The following ANXA9 variants were observed in gnomAD, a reference collection of about 807,000 sequenced individuals.
The protein encoded by ANXA9 is annexin A9.
ANXA9 carries 47 observed loss-of-function variants against 51.8 expected under a neutral mutation model. The ratio of observed to expected loss-of-function variants is 0.91; its 90% CI spans 0.72 to 1.16. The LOEUF (loss-of-function observed/expected upper bound fraction) is 1.16. Among genes scored for constraint, ANXA9 ranks in the 50% most tolerant of loss-of-function variants. ANXA9 has a pLI of 0.00. For synonymous variants in ANXA9, 154 were observed against 168.7 expected (o/e 0.91, Z 0.68); for missense variants, 361 against 424.7 (o/e 0.85, Z 1.32).
At chr1:150,988,476 C>T (rs1671622451) in intron 12 of ANXA9, 135 bp downstream of exon 12, 12 of 1,077,402 alleles carry the variant, frequency 1.1e-5, no homozygotes, top group African/African-American at 6.3e-5. Flanking sequence ...GGCTTACACA[C>T]CAGGGCTTAC....
chr1:150,993,745 C>T (rs912451025), intron 12 of ANXA9, among the ~76,000 whole-genome samples: 2 of 151,158 alleles, frequency 1.3e-5, no homozygotes, highest in African/African-American at 4.9e-5. Context: ...AGCAATTCTC[C>T]TGCCTCAGCC....
chr1:150,983,243 G>A (rs1671457214), intron 3 of ANXA9, 63 bp downstream of exon 3: 12 of 1,602,440 alleles, frequency 7.5e-6, no homozygotes, highest in Non-Finnish European at 1.0e-5. Context: ...TGAGAGGATG[G>A]GAGGCAGGAA....
chr1:150,990,023 CA>C (rs1671658656), intron 12 of ANXA9, among the ~76,000 whole-genome samples: 1 of 151,616 alleles, frequency 6.6e-6, no homozygotes, highest in Admixed American at 6.6e-5. Flanking sequence ...AAGTAGTAGT[CA>C]GGGGCCAAGC....
At chr1:150,986,929 G>C (rs1357195013) in intron 9 of ANXA9, among the ~76,000 whole-genome samples, 2 of 152,060 alleles carry the variant, frequency 1.3e-5, no homozygotes, top group African/African-American at 2.4e-5. Flanking sequence ...AGCCTCCTCA[G>C]ACCTTTTGGG....
intron 9 of ANXA9, among the ~76,000 whole-genome samples, chr1:150,987,337 CAGAG>C (rs918288750): frequency 2.0e-5 from 3 of 150,014 alleles, no homozygotes; most frequent in African/African-American, 7.4e-5. Flanking sequence ...GCCTGGGTGA[CAGAG>C]AGAGACCCCA....
chr1:150,990,915 C>T (rs1485907305), intron 12 of ANXA9, among the ~76,000 whole-genome samples: 1 of 152,082 alleles, frequency 6.6e-6, no homozygotes, highest in Admixed American at 6.6e-5. Flanking sequence ...GAGGCCAAGG[C>T]GGGCGGATCA....
upstream of ANXA9, among the ~76,000 whole-genome samples, chr1:150,977,900 C>T (rs991232670): frequency 6.6e-6 from 1 of 152,204 alleles, no homozygotes; most frequent in Non-Finnish European, 1.5e-5. Context: ...CTTTGGGAGG[C>T]CGAGGTGGGT....
intron 9 of ANXA9, 26 bp downstream of exon 9, chr1:150,986,687 A>T: frequency 1.3e-6 from 2 of 1,565,676 alleles, no homozygotes; most frequent in South Asian, 2.4e-5. Flanking sequence ...AGGAGTGTGC[A>T]CAGCCGCCAT....
At chr1:150,984,560 G>A in intron 6 of ANXA9, 26 bp from the exon 7 acceptor site, 1 of 1,608,230 alleles carries the variant, frequency 6.2e-7, no homozygotes. Context: ...CGGCCAGTCT[G>A]AGAGTAGACT....
intron 12 of ANXA9, among the ~76,000 whole-genome samples, chr1:150,994,360 C>T (rs1018368732): frequency 2.6e-5 from 4 of 152,154 alleles, no homozygotes; most frequent in African/African-American, 9.7e-5. Context: ...GAAATAAATA[C>T]TCAAGCTGCC....
intron 2 of ANXA9, 113 bp downstream of exon 2, chr1:150,982,696 ACCTCAGCTCC>A: frequency 6.0e-6 from 1 of 167,858 alleles, no homozygotes; most frequent in Admixed American, 5.7e-5. Context: ...CTGCCACCTC[ACCTCAGCTCC>A]CCTGCACTGC....
chr1:150,986,220 C>T, intron 7 of ANXA9, 116 bp from the exon 8 acceptor site: 2 of 841,796 alleles, frequency 2.4e-6, no homozygotes, highest in Non-Finnish European at 3.9e-6. Flanking sequence ...CAAGCTACTC[C>T]AAGCAGGGGC....
Position 150,988,277 on chromosome 1 carries a change from T to C in ANXA9, c.794-6T>C, listed in dbSNP as rs188733335. The C allele has an allele frequency of 6.1e-5, 99 of 1,614,166 alleles. No individual in the cohort carries two copies. Among genetic ancestry groups the C allele is most frequent in the South Asian group, 3.2e-4 (29 of 91,090 alleles). ...TGAACCTCCATCCTTCCATCTTTGT[T>C]TCCAGCTTCGGTGATCAAGAACACA... On this transcript the variant is annotated splice_region_variant and splice_polypyrimidine_tract_variant and intron_variant, in intron 11 of 13. Coordinates refer to ENST00000368947, the MANE Select transcript of ANXA9 (RefSeq NM_003568.3).
chr1:150,990,255 G>A (rs2102800769), intron 12 of ANXA9, among the ~76,000 whole-genome samples: 1 of 119,552 alleles, frequency 8.4e-6, no homozygotes, highest in East Asian at 2.7e-4. Flanking sequence ...AAGTTACAGT[G>A]AGCTGTGATT....
intron 9 of ANXA9, 103 bp downstream of exon 9, chr1:150,986,764 A>G (rs999591266): frequency 1.7e-6 from 2 of 1,175,976 alleles, no homozygotes; most frequent in African/African-American, 3.1e-5. Flanking sequence ...TTTCCCGCAA[A>G]CCCATCCCTG....
chr1:150,984,292 G>A lies in ANXA9; in HGVS notation c.279G>A (p.Lys93=), dbSNP rs1431999788. 1 of 1,613,934 alleles carries A rather than the reference G, an allele frequency of 6.2e-7. No homozygotes were observed. The highest frequency in any genetic ancestry group is 2.2e-5 in the East Asian group (1 of 44,892). Residue 93 remains lysine (K), a synonymous_variant, in exon 6 of 14, where the codon AAG becomes AAA. Coordinates refer to ENST00000368947, the MANE Select transcript of ANXA9 (RefSeq NM_003568.3). ...ACCATTTATTGTAGGACCTGATGAAGTCTCTACAGGCAGCACTTTCCGGCA... is the reference window on the plus strand; with the variant it reads ...ACCATTTATTGTAGGACCTGATGAAATCTCTACAGGCAGCACTTTCCGGCA... The part of the protein sequence containing the change: ...FQERTQQDLM[K]SLQAALSGNL...
At chr1:150,994,801 AC>A in intron 13 of ANXA9, 102 bp downstream of exon 13, 1 of 1,531,808 alleles carries the variant, frequency 6.5e-7, no homozygotes, top group Non-Finnish European at 8.8e-7. Flanking sequence ...CCCATAGAAA[AC>A]CCAGTAGTTA....
upstream of ANXA9, among the ~76,000 whole-genome samples, chr1:150,978,628 G>A (rs1002540728): frequency 6.6e-6 from 1 of 152,030 alleles, no homozygotes; most frequent in African/African-American, 2.4e-5. Flanking sequence ...CAACTCCATG[G>A]CCTCGGGAAG....
chr1:150,990,480 C>T (rs933171543), intron 12 of ANXA9, among the ~76,000 whole-genome samples: 22 of 152,068 alleles, frequency 1.4e-4, no homozygotes, highest in Non-Finnish European at 2.6e-4. Context: ...GATTCTCTGG[C>T]CTCTGTGTCT....
Sources: allele counts gnomAD v4.1 joint callset (sites outside exome capture counted in the v4.1 genomes callset), GRCh38; gene constraint gnomAD v4.1.1; transcripts MANE v1.5; gene names NCBI Gene and HGNC (gene_info 2026-07-23, HGNC 2026-07-21).